The following B9D2 variants were observed in gnomAD, a reference collection of about 807,000 sequenced individuals.
B9D2 encodes the protein B9 domain-containing protein 2.
In B9D2, 21 loss-of-function variants were observed where a neutral mutation model predicts 19.2. The ratio of observed to expected loss-of-function variants is 1.09; its 90% confidence interval spans 0.78 to 1.58. The LOEUF (loss-of-function observed/expected upper bound fraction) is 1.58, where lower values mean the gene tolerates loss of function less well. Among genes scored for constraint, B9D2 ranks in the 40% most tolerant of loss-of-function variants. The pLI, the probability that B9D2 is intolerant of heterozygous loss-of-function variation, is 0.00. For missense variants in B9D2, 221 were observed against 244.3 expected (o/e 0.90, Z 0.64); for synonymous variants, 91 against 100.6 (o/e 0.90, Z 0.57).
chr19:41,358,340 T>C (rs1232006800), intron 2 of B9D2, among the ~76,000 whole-genome samples: 1 of 152,150 alleles, frequency 6.6e-6, no homozygotes, highest in Non-Finnish European at 1.5e-5. Context: ...AAAAGGAATT[T>C]CTATCTCACA....
chr19:41,356,744 G>A (rs1379718093), intron 3 of B9D2, among the ~76,000 whole-genome samples: 2 of 151,742 alleles, frequency 1.3e-5, no homozygotes, highest in Admixed American at 1.3e-4. Context: ...CCAGCTACTC[G>A]TGAGGCTGAG....
Position 41,358,025 on chromosome 19 carries a change from G to T in B9D2, c.89-3C>A. On this transcript the variant is annotated splice_polypyrimidine_tract_variant and splice_region_variant and intron_variant, in intron 2 of 3. Transcript: ENST00000243578. ...TGACAGGAGCTTCCATGCCGCCCCT[G>T]CAGTGAGAGCCGGGACATAGAGGGG... 1 of 1,614,082 alleles carries T rather than the reference G, an allele frequency of 6.2e-7. No homozygotes were observed. The highest frequency in any genetic ancestry group is 8.5e-7 in the Non-Finnish European group (1 of 1,180,000).
At position 41,354,685 on chromosome 19, in the gene B9D2, T is replaced by C. The variant is rs753739080; in HGVS notation, c.*15A>G. ...TCCGGGGTGTGGATGGTGGTGACGT[T>C]GGAGGCAGAGTCCCTCAGCACTCCA... is the stretch of plus-strand genomic sequence containing the variant. On this transcript the variant is annotated 3_prime_UTR_variant, in exon 4 of 4. Transcript: ENST00000243578. 1 of 1,613,964 alleles carries C rather than the reference T, an allele frequency of 6.2e-7. No homozygotes were observed. Among genetic ancestry groups the C allele is most frequent in the South Asian group, 1.1e-5 (1 of 91,082 alleles).
At chr19:41,356,152 T>C (rs577016197) in intron 3 of B9D2, among the ~76,000 whole-genome samples, 6 of 152,094 alleles carry the variant, frequency 3.9e-5, no homozygotes, top group African/African-American at 1.2e-4. Context: ...ATGGGGACCA[T>C]TGGAGGGTTC....
At chr19:41,357,726 G>A (rs2038337178) in intron 3 of B9D2, among the ~76,000 whole-genome samples, 171 bp downstream of exon 3, 1 of 149,044 alleles carries the variant, frequency 6.7e-6, no homozygotes, top group Non-Finnish European at 1.5e-5. Flanking sequence ...CGCCTATTGA[G>A]CAGGCCTGGG....
At position 41,363,532 on chromosome 19, in the gene B9D2, G is replaced by C; in HGVS notation, c.-4-9C>G. 3.7e-6 allele frequency: 6 copies of C among 1,612,722 alleles called. No homozygotes were observed. The highest frequency in any genetic ancestry group is 4.2e-6 in the Non-Finnish European group (5 of 1,178,954). On this transcript the variant is annotated splice_polypyrimidine_tract_variant and intron_variant, in intron 1 of 3. Transcript: ENST00000243578. Reference sequence around the variant, plus strand: ...GCACCTCAGCCATGGCCCTGGGAGGGGAAAAATATAATCACAACCCTGTGA... The same window carrying C: ...GCACCTCAGCCATGGCCCTGGGAGGCGAAAAATATAATCACAACCCTGTGA...
intron 2 of B9D2, among the ~76,000 whole-genome samples, chr19:41,359,819 C>T (rs558147041): frequency 1.3e-5 from 2 of 152,196 alleles, no homozygotes; most frequent in East Asian, 3.9e-4. Flanking sequence ...CTCTTAATCC[C>T]CTCCTCACCC....
intron 2 of B9D2, among the ~76,000 whole-genome samples, chr19:41,360,189 G>C (rs1047923369): frequency 6.6e-6 from 1 of 151,738 alleles, no homozygotes; most frequent in Non-Finnish European, 1.5e-5. Flanking sequence ...TTGGGGGGGT[G>C]GGGGGAGACA....
rs189400693 is a variant in B9D2 at position 41,363,508 on chromosome 19, C to T, written c.12G>A (p.Val4=). The change falls in exon 2 of 4, where the codon GTG becomes GTA. Residue 4 remains valine, a synonymous_variant. Transcript: ENST00000243578. ...CCCCTATGATCTGCCCGATCACGTGCACCTCAGCCATGGCCCTGGGAGGGG... is the reference window on the plus strand; with the variant it reads ...CCCCTATGATCTGCCCGATCACGTGTACCTCAGCCATGGCCCTGGGAGGGG... The part of the protein sequence containing the change: MAE[V]HVIGQIIGAS... 7 of 1,613,968 alleles carry T rather than the reference C, an allele frequency of 4.3e-6. No homozygotes were observed. Among genetic ancestry groups the T allele is most frequent in the Admixed American group, 3.3e-5 (2 of 59,976 alleles).
At position 41,358,036 on chromosome 19, in the gene B9D2, C is replaced by T. The variant is rs1361921521; in HGVS notation, c.89-14G>A. ...TCCATGCCGCCCCTGCAGTGAGAGCCGGGACATAGAGGGGTGGGAGGCAGC... is the reference window on the plus strand; with the variant it reads ...TCCATGCCGCCCCTGCAGTGAGAGCTGGGACATAGAGGGGTGGGAGGCAGC... On this transcript the variant is annotated splice_polypyrimidine_tract_variant and intron_variant, in intron 2 of 3. Coordinates refer to ENST00000243578, the MANE Select transcript of B9D2 (RefSeq NM_030578.4). The T allele has an allele frequency of 4.3e-6, 7 of 1,613,946 alleles. No individual in the cohort carries two copies. Among genetic ancestry groups the T allele is most frequent in the East Asian group, 2.2e-5 (1 of 44,878 alleles).
At chr19:41,361,225 T>A (rs2038397954) in intron 2 of B9D2, 1 of 152,312 alleles carries the variant, frequency 6.6e-6, no homozygotes, top group South Asian at 2.1e-4. Context: ...AAAATCAGGT[T>A]AGTCATTACT....
At chr19:41,358,874 G>A (rs2038358050) in intron 2 of B9D2, among the ~76,000 whole-genome samples, 3 of 152,074 alleles carry the variant, frequency 2.0e-5, no homozygotes, top group Admixed American at 2.0e-4. Flanking sequence ...TGAGCGCAGT[G>A]GCTCACACCT....
At chr19:41,357,234 G>T (rs1189926666) in intron 3 of B9D2, among the ~76,000 whole-genome samples, 1 of 152,110 alleles carries the variant, frequency 6.6e-6, no homozygotes, top group Non-Finnish European at 1.5e-5. Flanking sequence ...CCACTCTGAG[G>T]TGCCACTGTC....
chr19:41,361,834 C>T (rs2038407516), intron 2 of B9D2, among the ~76,000 whole-genome samples: 1 of 65,390 alleles, frequency 1.5e-5, no homozygotes, highest in African/African-American at 6.4e-5. Flanking sequence ...AATCCCAGCA[C>T]TTTGGAAGGC....
At chr19:41,363,562 A>G in intron 1 of B9D2, 39 bp from the exon 2 acceptor site, 1 of 1,567,170 alleles carries the variant, frequency 6.4e-7, no homozygotes, top group Admixed American at 1.7e-5. Context: ...CTGTGAGGTA[A>G]GTGTATTATC....
At chr19:41,362,072 C>CT (rs1334653001) in intron 2 of B9D2, among the ~76,000 whole-genome samples, 1 of 83,434 alleles carries the variant, frequency 1.2e-5, no homozygotes, top group Non-Finnish European at 2.2e-5. Flanking sequence ...GAGTGAGACT[C>CT]TGTCTCAAAA....
At chr19:41,359,115 A>G (rs533855536) in intron 2 of B9D2, among the ~76,000 whole-genome samples, 1 of 152,130 alleles carries the variant, frequency 6.6e-6, no homozygotes, top group African/African-American at 2.4e-5. Flanking sequence ...CTGGTGTGAC[A>G]CAGTGAGACT....
rs756990381 is a variant in B9D2, at chr19:41,357,940, C to G, written c.171G>C (p.Trp57Cys). 3 of 1,614,158 alleles carry G rather than the reference C, an allele frequency of 1.9e-6. No homozygotes were observed. Among genetic ancestry groups the G allele is most frequent in the South Asian group, 2.2e-5 (2 of 91,082 alleles). ...CGAAGTGCAGGTCGATGGGGTGGGACCAGTAAGCCATGTCCCCTATCTGCG... is the reference window on the plus strand; with the variant it reads ...CGAAGTGCAGGTCGATGGGGTGGGAGCAGTAAGCCATGTCCCCTATCTGCG... ...DTPQIGDMAY[W>C]SHPIDLHFAT... Residue 57 changes from tryptophan to cysteine, a missense_variant, in exon 3 of 4, where the codon TGG becomes TGC. Transcript: ENST00000243578.
intron 2 of B9D2, among the ~76,000 whole-genome samples, chr19:41,361,680 C>T (rs1258010784): frequency 1.0e-5 from 1 of 100,022 alleles, no homozygotes; most frequent in Non-Finnish European, 2.1e-5. Context: ...CCCAGCCACT[C>T]GGGAGGCTGA....
Sources: allele counts gnomAD v4.1 joint callset (sites outside exome capture counted in the v4.1 genomes callset), GRCh38; gene constraint gnomAD v4.1.1; transcripts MANE v1.5; gene names NCBI Gene and HGNC (gene_info 2026-07-23, HGNC 2026-07-21).